INSC: variants seen among roughly 807,000 people sequenced by gnomAD.
The protein encoded by INSC is INSC spindle orientation adaptor protein, also known as protein inscuteable homolog.
Under a neutral mutation model 58.6 loss-of-function variants are expected in INSC, and 67 were observed. The ratio of observed to expected loss-of-function variants is 1.14; its 90% CI spans 0.94 to 1.40. The LOEUF (loss-of-function observed/expected upper bound fraction) is 1.40. Among genes scored for constraint, INSC ranks in the 40% most tolerant of loss-of-function variants. The probability of loss-of-function intolerance (pLI) is 0.00; values close to 1 mark genes in which losing one functional copy is unlikely to be tolerated. For missense variants in INSC, 714 were observed against 692.0 expected (o/e 1.03, Z -0.36); for synonymous variants, 262 against 276.1 (o/e 0.95, Z 0.51).
chr11:15,129,649 A>G (rs1257499942), intron 1 of INSC, among the ~76,000 whole-genome samples: 1 of 152,186 alleles, frequency 6.6e-6, no homozygotes, highest in Non-Finnish European at 1.5e-5. Flanking sequence ...TGCTTTGTTA[A>G]TGACCTCTCT....
intron 1 of INSC, among the ~76,000 whole-genome samples, chr11:15,143,770 TATG>T (rs1311764265): frequency 6.6e-6 from 1 of 151,788 alleles, no homozygotes; most frequent in Non-Finnish European, 1.5e-5. Flanking sequence ...ATGAAAAAAA[TATG>T]ATGAGGGAAA....
intron 2 of INSC, among the ~76,000 whole-genome samples, chr11:15,155,592 C>T (rs1226203054): frequency 6.6e-6 from 1 of 152,178 alleles, no homozygotes; most frequent in Non-Finnish European, 1.5e-5. Context: ...AGGCCCAGTG[C>T]CTGGCCCATT....
chr11:15,181,603 T>C (rs931162751), intron 5 of INSC, among the ~76,000 whole-genome samples: 12 of 152,194 alleles, frequency 7.9e-5, no homozygotes, highest in Non-Finnish European at 1.6e-4. Context: ...GAACAAAGTA[T>C]AAAAATTGAA....
chr11:15,144,767 A>T (rs78441666), intron 1 of INSC, among the ~76,000 whole-genome samples: 118 of 152,278 alleles, frequency 7.7e-4, no homozygotes, highest in African/African-American at 2.7e-3. Flanking sequence ...TTCCTCCACA[A>T]ACCCTGTGTC....
intron 9 of INSC, among the ~76,000 whole-genome samples, chr11:15,226,230 G>T (rs1345311495): frequency 6.6e-6 from 1 of 152,102 alleles, no homozygotes; most frequent in East Asian, 1.9e-4. Flanking sequence ...CTGAAGGTCT[G>T]TGTCCTGGTC....
chr11:15,240,517 CT>C lies in INSC; in HGVS notation c.1465del (p.Cys489AlafsTer137). 9 of 1,613,212 alleles carry C rather than the reference CT, an allele frequency of 5.6e-6. No individual in the cohort carries two copies. The highest frequency in any genetic ancestry group is 7.6e-6 in the Non-Finnish European group (9 of 1,179,612). ...RNSSDAVLVA[C>X]LAALRRLAGV... ...ACAGCAGTGACGCCGTGCTTGTGGC[CT>C]GCCTGGTGAGTTCTCAGTCTTCCCC... On this transcript the variant is annotated frameshift_variant, in exon 12 of 13. Transcript: ENST00000379556. LOFTEE classifies it high-confidence loss of function.
intron 10 of INSC, among the ~76,000 whole-genome samples, chr11:15,236,659 G>T (rs1852143381): frequency 6.6e-6 from 1 of 152,232 alleles, no homozygotes; most frequent in Non-Finnish European, 1.5e-5. Context: ...TTGCAGCTGG[G>T]AGCAGAGATG....
chr11:15,177,047 G>T, intron 3 of INSC, 64 bp from the exon 4 acceptor site: 1 of 1,267,412 alleles, frequency 7.9e-7, no homozygotes, highest in Non-Finnish European at 1.2e-6. Context: ...CGTGTGCTCA[G>T]CACAGCAGTT....
intron 5 of INSC, chr11:15,188,475 G>A (rs540849014): frequency 7.0e-5 from 31 of 444,314 alleles, no homozygotes; most frequent in Non-Finnish European, 8.9e-5. Flanking sequence ...CCTCCACTAT[G>A]AAATGAAGAT....
chr11:15,265,979 T>A, the INSC span, among the ~76,000 whole-genome samples: 2 of 151,832 alleles, frequency 1.3e-5, no homozygotes, highest in Non-Finnish European at 2.9e-5. Flanking sequence ...TCTCTCAGGC[T>A]AGGAGTTTCT....
At chr11:15,157,388 C>T (rs567231439) in intron 2 of INSC, among the ~76,000 whole-genome samples, 13 of 152,300 alleles carry the variant, frequency 8.5e-5, no homozygotes, top group South Asian at 8.3e-4. Context: ...TTTCAATTCC[C>T]GTCCTCTGTG....
chr11:15,249,965 T>A (rs528222779), downstream of INSC, among the ~76,000 whole-genome samples: 6 of 152,340 alleles, frequency 3.9e-5, no homozygotes, highest in East Asian at 1.2e-3. Context: ...GGGTGGCTGA[T>A]TGATTAAAAG....
At chr11:15,208,176 G>A (rs1169814111) in intron 7 of INSC, among the ~76,000 whole-genome samples, 1 of 152,210 alleles carries the variant, frequency 6.6e-6, no homozygotes. Context: ...TTTAGAGAGA[G>A]GGAGAGAGAA....
intron 5 of INSC, among the ~76,000 whole-genome samples, chr11:15,190,379 C>G (rs952261919): frequency 1.3e-5 from 2 of 152,184 alleles, no homozygotes; most frequent in African/African-American, 4.8e-5. Context: ...TTATTAAGAA[C>G]CAGTAGATTC....
At chr11:15,209,530 A>C (rs1850939380) in intron 7 of INSC, among the ~76,000 whole-genome samples, 1 of 152,018 alleles carries the variant, frequency 6.6e-6, no homozygotes, top group South Asian at 2.1e-4. Context: ...CTTGGTGCTC[A>C]CACAGTATGT....
chr11:15,141,091 CATT>C (rs895141311), intron 1 of INSC, among the ~76,000 whole-genome samples: 124 of 152,234 alleles, frequency 8.1e-4, no homozygotes, highest in African/African-American at 2.6e-3. Flanking sequence ...TCCTCCTCCT[CATT>C]ATTATTATTA....
chr11:15,202,122 T>C (rs1850617205), intron 7 of INSC, among the ~76,000 whole-genome samples: 1 of 152,132 alleles, frequency 6.6e-6, no homozygotes, highest in African/African-American at 2.4e-5. Context: ...AATGGGGAAG[T>C]AATTTGCCTA....
chr11:15,166,929 T>C lies in INSC; in HGVS notation c.57-8812T>C, dbSNP rs558113960. 3.3e-5 allele frequency among the ~76,000 whole-genome samples: 5 copies of C among 152,266 alleles called. No individual in the cohort carries two copies. In the South Asian group the frequency reaches 1.0e-3, roughly 32 times the overall value. ...CACCTCTATATTTTCACCTGTAACA[T>C]GGAGTGAATAAGAGAGTAAACCAAG... On this transcript the variant is annotated intron_variant, in intron 2 of 12. Transcript: ENST00000379556.
intron 11 of INSC, among the ~76,000 whole-genome samples, chr11:15,239,524 C>T (rs965866033): frequency 6.6e-5 from 10 of 152,182 alleles, no homozygotes; most frequent in Admixed American, 1.3e-4. Context: ...CATGCTCATT[C>T]ATTCAGTCAC....
Sources: allele counts gnomAD v4.1 joint callset (sites outside exome capture counted in the v4.1 genomes callset), GRCh38; gene constraint gnomAD v4.1.1; transcripts MANE v1.5; gene names NCBI Gene and HGNC (gene_info 2026-07-23, HGNC 2026-07-21).